Variants in EYA2 observed in about 807,000 individuals in gnomAD.
EYA2 encodes the protein EYA transcriptional coactivator and phosphatase 2.
EYA2 carries 31 observed loss-of-function variants against 69.2 expected under a neutral mutation model. That is an observed-to-expected ratio of 0.45 (90% CI 0.34 to 0.60). EYA2 has a LOEUF of 0.60. Ranked by LOEUF, EYA2 falls within the 20% of genes least tolerant of loss-of-function variation. EYA2 has a pLI of 0.02. For missense variants in EYA2, 622 were observed against 701.2 expected, an observed-to-expected ratio of 0.89 and a Z score of 1.28; for synonymous variants, 257 against 279.4, an observed-to-expected ratio of 0.92 and a Z score of 0.80.
intron 5 of EYA2, among the ~76,000 whole-genome samples, chr20:47,063,373 TTGTGTG>T (rs1318266818): frequency 2.2e-5 from 3 of 137,016 alleles, no homozygotes; most frequent in Admixed American, 7.5e-5. Context: ...TTGGGTTTAT[TTGTGTG>T]TGTGTGCGTG....
At chr20:47,078,349 A>ACACACC (rs1389990837) in intron 7 of EYA2, among the ~76,000 whole-genome samples, 2 of 152,058 alleles carry the variant, frequency 1.3e-5, no homozygotes, top group African/African-American at 4.8e-5. Flanking sequence ...ACACACACAC[A>ACACACC]CACACACACA....
intron 1 of EYA2, among the ~76,000 whole-genome samples, chr20:46,936,873 T>A (rs1158323682): frequency 1.3e-5 from 2 of 152,120 alleles, no homozygotes; most frequent in Admixed American, 6.5e-5. Context: ...CCTGGAATAA[T>A]TTGTGGCTCC....
At chr20:47,090,109 C>T (rs1157662796) in intron 8 of EYA2, among the ~76,000 whole-genome samples, 2 of 152,034 alleles carry the variant, frequency 1.3e-5, no homozygotes, top group African/African-American at 2.4e-5. Context: ...CAAGTTGCAC[C>T]TCAGACCAAT....
At chr20:47,115,007 C>T (rs1211509781) in intron 9 of EYA2, among the ~76,000 whole-genome samples, 2 of 152,212 alleles carry the variant, frequency 1.3e-5, no homozygotes, top group African/African-American at 2.4e-5. Flanking sequence ...GCCAATTAAA[C>T]CTCTTTTCTT....
chr20:47,041,173 A>G (rs1985043234), intron 5 of EYA2, among the ~76,000 whole-genome samples: 1 of 152,170 alleles, frequency 6.6e-6, no homozygotes, highest in Non-Finnish European at 1.5e-5. Flanking sequence ...GAAAAATCTG[A>G]TTTCTGTTCT....
chr20:47,091,550 G>A (rs2032084537), intron 8 of EYA2, among the ~76,000 whole-genome samples: 2 of 145,416 alleles, frequency 1.4e-5, no homozygotes, highest in African/African-American at 2.6e-5. Flanking sequence ...ACCAGCCTGG[G>A]CAACATGGCA....
At chr20:47,127,735 A>G (rs1301829834) in intron 9 of EYA2, among the ~76,000 whole-genome samples, 1 of 152,176 alleles carries the variant, frequency 6.6e-6, no homozygotes, top group African/African-American at 2.4e-5. Flanking sequence ...ATAAGCAGAC[A>G]GTCCTGGAGG....
At chr20:46,998,453 C>T (rs1280127116) in intron 2 of EYA2, 1 of 152,366 alleles carries the variant, frequency 6.6e-6, no homozygotes, top group Non-Finnish European at 1.5e-5. Context: ...GCAGGGTGGA[C>T]TTCCTGGTCC....
intron 11 of EYA2, 148 bp from the exon 12 acceptor site, chr20:47,172,559 A>G (rs1470850548): frequency 5.9e-6 from 4 of 680,656 alleles, no homozygotes; most frequent in Admixed American, 2.9e-5. Context: ...CTGCCCCCCA[A>G]ATGCACACTC....
At chr20:46,954,371 A>G (rs965113993) in intron 1 of EYA2, among the ~76,000 whole-genome samples, 4 of 152,216 alleles carry the variant, frequency 2.6e-5, no homozygotes, top group Non-Finnish European at 4.4e-5. Flanking sequence ...GACAGGGAGG[A>G]AGGAAGGGGG....
chr20:47,139,139 T>G (rs1477165461), intron 9 of EYA2, among the ~76,000 whole-genome samples: 2 of 152,246 alleles, frequency 1.3e-5, no homozygotes, highest in Non-Finnish European at 2.9e-5. Flanking sequence ...ATTCCCAATC[T>G]TTTGCTATTT....
At chr20:47,139,821 A>G (rs1036853769) in intron 9 of EYA2, among the ~76,000 whole-genome samples, 8 of 152,142 alleles carry the variant, frequency 5.3e-5, no homozygotes, top group Admixed American at 1.3e-4. Flanking sequence ...TTCCCAAAAT[A>G]TACTAATTGA....
At chr20:46,934,668 T>C (rs1026858744) in intron 1 of EYA2, among the ~76,000 whole-genome samples, 1 of 152,136 alleles carries the variant, frequency 6.6e-6, no homozygotes, top group Non-Finnish European at 1.5e-5. Context: ...TAGATCCACC[T>C]AGAAGACCGT....
rs779509858 is a variant in EYA2, at chr20:47,143,073, C to T, written c.903C>T (p.Ser301=). 28 of 1,613,634 alleles carry T rather than the reference C, an allele frequency of 1.7e-5. No homozygotes were observed. Among genetic ancestry groups the T allele is most frequent in the Non-Finnish European group, 1.9e-5 (22 of 1,179,858 alleles). ...CTGCCTCGCAGGACACCACGACGTC[C>T]GTGCGCATTGGCCTTATGATGGAAG... ...ASRYGKDTTT[S]VRIGLMMEEM... The change falls in exon 10 of 16, where the codon TCC becomes TCT. Residue 301 remains serine, a synonymous_variant. Coordinates refer to ENST00000327619, the MANE Select transcript of EYA2 (RefSeq NM_005244.5).
intron 8 of EYA2, among the ~76,000 whole-genome samples, chr20:47,092,006 G>A (rs2032101479): frequency 6.6e-6 from 1 of 152,128 alleles, no homozygotes; most frequent in South Asian, 2.1e-4. Flanking sequence ...AATGGGGAAG[G>A]AAAACTAGGA....
At chr20:46,916,500 C>T (rs1984912582) in intron 1 of EYA2, among the ~76,000 whole-genome samples, 1 of 151,896 alleles carries the variant, frequency 6.6e-6, no homozygotes, top group South Asian at 2.1e-4. Flanking sequence ...TGTGTGTGTG[C>T]ATGTGTGATG....
At chr20:47,171,702 A>C (rs1284796881) in intron 11 of EYA2, among the ~76,000 whole-genome samples, 1 of 152,200 alleles carries the variant, frequency 6.6e-6, no homozygotes, top group Non-Finnish European at 1.5e-5. Context: ...CATCCTGGAC[A>C]CTGGTTCCTG....
At chr20:47,129,303 G>A (rs1049972953) in intron 9 of EYA2, among the ~76,000 whole-genome samples, 65 of 152,200 alleles carry the variant, frequency 4.3e-4, no homozygotes, top group Admixed American at 8.5e-4. Context: ...CTGCAACAGA[G>A]TAATGGGATG....
At chr20:47,086,383 G>C (rs902917776) in intron 7 of EYA2, among the ~76,000 whole-genome samples, 1 of 152,050 alleles carries the variant, frequency 6.6e-6, no homozygotes. Context: ...CTAAAGAAAA[G>C]AGGTTTAATT....
Sources: gnomAD v4.1 joint callset for allele counts (sites outside exome capture counted in the v4.1 genomes callset) on GRCh38, gnomAD v4.1.1 for gene constraint, MANE v1.5 for transcripts, NCBI Gene and HGNC (gene_info 2026-07-23, HGNC 2026-07-21) for gene names.